TESK2: variants seen among roughly 807,000 people sequenced by gnomAD.
TESK2 encodes the protein testis associated actin remodelling kinase 2, also known as dual specificity testis-specific protein kinase 2.
TESK2 carries 39 observed loss-of-function variants against 57.1 expected under a neutral mutation model. The observed-to-expected ratio is 0.68, with a 90% CI of 0.53 to 0.89. The LOEUF is 0.89. Ranked by LOEUF, TESK2 falls within the 40% of genes least tolerant of loss-of-function variation. The pLI is 0.00. For synonymous variants in TESK2, 249 were observed against 267.9 expected, an observed-to-expected ratio of 0.93 and a Z score of 0.69; for missense variants, 646 against 732.1, an observed-to-expected ratio of 0.88 and a Z score of 1.36.
At chr1:45,459,863 G>A (rs1253756719) in intron 1 of TESK2, among the ~76,000 whole-genome samples, 2 of 152,054 alleles carry the variant, frequency 1.3e-5, no homozygotes, top group Admixed American at 1.3e-4. Context: ...AGGGTTATAA[G>A]ACAAAAAATT....
At position 45,375,539 on chromosome 1, in the gene TESK2, A is replaced by G. The variant is rs1465955885; in HGVS notation, c.393+10373T>C. Among the ~76,000 whole-genome samples the G allele has an allele frequency of 1.3e-5, 2 of 151,440 alleles. 1 individual carries two copies. The highest frequency in any genetic ancestry group is 2.9e-5 in the Non-Finnish European group (2 of 67,988). ...AATTGTAAACCACCTAGCACTTAAC[A>G]TCACATATATTACAATTTGTTCCCT... On this transcript the variant is annotated intron_variant, in intron 4 of 10. Coordinates refer to ENST00000372086, the MANE Select transcript of TESK2 (RefSeq NM_007170.3).
intron 4 of TESK2, among the ~76,000 whole-genome samples, chr1:45,373,785 T>C (rs1443941658): frequency 1.3e-5 from 2 of 152,222 alleles, no homozygotes; most frequent in Non-Finnish European, 2.9e-5. Flanking sequence ...ACAGTGATTA[T>C]GTATCAGGCA....
chr1:45,436,255 G>A (rs1184713710), intron 2 of TESK2, among the ~76,000 whole-genome samples: 1 of 131,744 alleles, frequency 7.6e-6, no homozygotes, highest in Admixed American at 9.3e-5. Flanking sequence ...CGTGATCTCG[G>A]TTCACTGCAA....
intron 3 of TESK2, among the ~76,000 whole-genome samples, chr1:45,415,762 TAA>T (rs1650215443): frequency 6.6e-6 from 1 of 152,200 alleles, no homozygotes; most frequent in Non-Finnish European, 1.5e-5. Context: ...ATGGGAAAAC[TAA>T]GGCTTAGAGA....
chr1:45,379,337 A>C (rs756041584), intron 4 of TESK2, among the ~76,000 whole-genome samples: 1 of 152,028 alleles, frequency 6.6e-6, no homozygotes, highest in Non-Finnish European at 1.5e-5. Flanking sequence ...TAATTTTTAA[A>C]TTTTTTTGTA....
chr1:45,448,391 A>C (rs1357492595), intron 2 of TESK2, among the ~76,000 whole-genome samples: 1 of 152,196 alleles, frequency 6.6e-6, no homozygotes, highest in Non-Finnish European at 1.5e-5. Flanking sequence ...CACTGCTATA[A>C]AGAAATACCT....
At chr1:45,361,991 ATATGT>A (rs1647708590) in intron 4 of TESK2, among the ~76,000 whole-genome samples, 1 of 152,194 alleles carries the variant, frequency 6.6e-6, no homozygotes, top group Non-Finnish European at 1.5e-5. Flanking sequence ...ATGGTAAATT[ATATGT>A]TATATGTATT....
chr1:45,446,476 A>G (rs550399903), intron 2 of TESK2, among the ~76,000 whole-genome samples: 2 of 152,190 alleles, frequency 1.3e-5, no homozygotes, highest in East Asian at 3.9e-4. Flanking sequence ...AAAAAATTTT[A>G]AATAAAAATA....
chr1:45,388,637 C>A (rs559267311), intron 3 of TESK2, among the ~76,000 whole-genome samples: 17 of 151,244 alleles, frequency 1.1e-4, no homozygotes, highest in Admixed American at 3.3e-4. Flanking sequence ...AGTCTGCTGA[C>A]TACAATGGTT....
intron 4 of TESK2, among the ~76,000 whole-genome samples, chr1:45,357,919 G>A (rs539299019): frequency 2.3e-4 from 34 of 149,114 alleles, no homozygotes; most frequent in African/African-American, 5.3e-4. Context: ...CAGGAGAATC[G>A]CTTGAACACG....
chr1:45,448,251 A>AG (rs986418889), intron 2 of TESK2, among the ~76,000 whole-genome samples: 2 of 149,776 alleles, frequency 1.3e-5, no homozygotes, highest in Non-Finnish European at 3.0e-5. Context: ...AAAAAAAAAA[A>AG]AAAAGAAAAA....
chr1:45,376,066 A>C (rs746842456), intron 4 of TESK2, among the ~76,000 whole-genome samples: 2 of 152,206 alleles, frequency 1.3e-5, no homozygotes, highest in Admixed American at 6.5e-5. Flanking sequence ...AAATGAGCAA[A>C]GCAAAAAAAT....
intron 4 of TESK2, among the ~76,000 whole-genome samples, chr1:45,384,363 GTATC>G (rs146751721): frequency 0.011 from 1,648 of 146,870 alleles, 8 homozygotes; most frequent in Non-Finnish European, 0.014. Flanking sequence ...ATGTACGTAC[GTATC>G]TATCTATCTA....
At chr1:45,449,964 G>A (rs537795826) in intron 2 of TESK2, among the ~76,000 whole-genome samples, 1 of 152,128 alleles carries the variant, frequency 6.6e-6, no homozygotes, top group East Asian at 1.9e-4. Context: ...CAGAACAATG[G>A]AATAAAACAG....
At chr1:45,369,427 A>G (rs763806803) in intron 4 of TESK2, among the ~76,000 whole-genome samples, 2 of 152,110 alleles carry the variant, frequency 1.3e-5, no homozygotes, top group African/African-American at 2.4e-5. Flanking sequence ...CAGAAGGTGG[A>G]GGTTGCAGTT....
intron 2 of TESK2, among the ~76,000 whole-genome samples, chr1:45,434,959 CTT>C (rs60515365): frequency 7.1e-6 from 1 of 140,444 alleles, no homozygotes; most frequent in Non-Finnish European, 1.5e-5. Context: ...ACTTTTCTTT[CTT>C]TTTTTTTTTT....
intron 1 of TESK2, among the ~76,000 whole-genome samples, chr1:45,461,988 G>A (rs889847209): frequency 2.0e-5 from 3 of 152,034 alleles, no homozygotes; most frequent in African/African-American, 7.3e-5. Context: ...ATTGCCGACC[G>A]TAGTCATTCT....
At chr1:45,377,765 C>T (rs911985801) in intron 4 of TESK2, among the ~76,000 whole-genome samples, 5 of 147,290 alleles carry the variant, frequency 3.4e-5, no homozygotes, top group African/African-American at 9.9e-5. Context: ...CAGTGGCTCA[C>T]ACCTGTAATT....
rs1019316404 is a variant in TESK2 at position 45,453,362 on chromosome 1, A to AAG, written c.222+4200_222+4201dup. On this transcript the variant is annotated intron_variant, in intron 2 of 10. Transcript: ENST00000372086. ...GTCTCAAAAAAAAAAAAAAAAAAAAAAGAGAGAGAGAGAGATAAACCCTCT... is the reference window on the plus strand; with the variant it reads ...GTCTCAAAAAAAAAAAAAAAAAAAAAAGAGAGAGAGAGAGAGATAAACCCTCT... Among the ~76,000 whole-genome samples, 328 of 144,952 alleles carry AAG rather than the reference A, an allele frequency of 2.3e-3. 2 individuals are homozygous for AAG. Among genetic ancestry groups the AAG allele is most frequent in the African/African-American group, 5.0e-3 (185 of 36,872 alleles).
Sources: allele counts gnomAD v4.1 joint callset (sites outside exome capture counted in the v4.1 genomes callset), GRCh38; gene constraint gnomAD v4.1.1; transcripts MANE v1.5; gene names NCBI Gene and HGNC (gene_info 2026-07-23, HGNC 2026-07-21).